The following ADGRL3 variants were observed in gnomAD, a reference collection of about 807,000 sequenced individuals.
ADGRL3 encodes the protein calcium-independent alpha-latrotoxin receptor 3.
Under a neutral mutation model 153.5 loss-of-function variants are expected in ADGRL3, and 62 were observed. That is an observed-to-expected ratio of 0.40 (90% confidence interval 0.33 to 0.50). The LOEUF is 0.50. Ranked by LOEUF, ADGRL3 falls within the 20% of genes least tolerant of loss-of-function variation. ADGRL3 has a pLI of 0.47. For missense variants in ADGRL3, 1,641 were observed against 1,859.4 expected (o/e 0.88, Z 2.16); for synonymous variants, 710 against 672.5 (o/e 1.06, Z -0.86).
At chr4:61,660,076 G>A (rs2094551756) in intron 5 of ADGRL3, among the ~76,000 whole-genome samples, 1 of 152,106 alleles carries the variant, frequency 6.6e-6, no homozygotes, top group South Asian at 2.1e-4. Context: ...TGCCAAACAC[G>A]ATGCTATAGA....
intron 9 of ADGRL3, among the ~76,000 whole-genome samples, chr4:61,851,322 C>CG (rs2098199798): frequency 6.6e-6 from 1 of 152,090 alleles, no homozygotes; most frequent in South Asian, 2.1e-4. Context: ...AGCAGTGACT[C>CG]ACACCTGTGA....
intron 1 of ADGRL3, among the ~76,000 whole-genome samples, chr4:61,293,562 CATAT>C: frequency 6.6e-6 from 1 of 152,278 alleles, no homozygotes; most frequent in Middle Eastern, 3.4e-3. Context: ...AACTGTGCTG[CATAT>C]AATATTAGTA....
intron 2 of ADGRL3, among the ~76,000 whole-genome samples, chr4:61,383,630 G>A (rs1324460658): frequency 2.0e-5 from 3 of 151,512 alleles, no homozygotes; most frequent in Admixed American, 2.0e-4. Context: ...AATTCATTCA[G>A]TTTTCAATTA....
chr4:61,494,984 T>C (rs1356897892), intron 2 of ADGRL3, among the ~76,000 whole-genome samples: 1 of 152,196 alleles, frequency 6.6e-6, no homozygotes, highest in Non-Finnish European at 1.5e-5. Flanking sequence ...TTATTACGTA[T>C]TTTATATAAT....
At position 61,638,670 on chromosome 4, in the gene ADGRL3, T is replaced by C. The variant is rs75810624; in HGVS notation, c.474-38156T>C. On this transcript the variant is annotated intron_variant, in intron 5 of 26. Coordinates refer to ENST00000683033, the MANE Select transcript of ADGRL3 (RefSeq NM_001387552.1). ...ATACACTGAGTTCCAGTTTACAAAA[T>C]ATTCTACACAAATAGTGTTTTATTT... 1.8e-3 allele frequency among the ~76,000 whole-genome samples: 271 copies of C among 152,270 alleles called. 2 individuals carry two copies. The East Asian group carries it at 0.047, about 26-fold the overall frequency.
chr4:61,511,998 G>A (rs1464199794), intron 3 of ADGRL3, among the ~76,000 whole-genome samples: 1 of 152,086 alleles, frequency 6.6e-6, no homozygotes, highest in Non-Finnish European at 1.5e-5. Flanking sequence ...TAAAATGAAG[G>A]TGCTGTGGGA....
At chr4:61,811,969 T>C (rs1381283972) in intron 8 of ADGRL3, among the ~76,000 whole-genome samples, 1 of 152,174 alleles carries the variant, frequency 6.6e-6, no homozygotes, top group South Asian at 2.1e-4. Flanking sequence ...GATATATTTG[T>C]ATTTACAATA....
At chr4:61,251,121 G>A (rs1435982422) in intron 1 of ADGRL3, among the ~76,000 whole-genome samples, 2 of 152,124 alleles carry the variant, frequency 1.3e-5, no homozygotes, top group Non-Finnish European at 2.9e-5. Flanking sequence ...ATTTGGACAG[G>A]GCAGTGAAGG....
At chr4:61,364,331 CA>C (rs33966342) in intron 1 of ADGRL3, among the ~76,000 whole-genome samples, 45,154 of 127,866 alleles carry the variant, frequency 0.35, 7,329 homozygotes, top group Non-Finnish European at 0.4. Context: ...GACTCCGTCT[CA>C]AAAAAAAAAA....
chr4:61,409,371 A>ATT (rs112488684), intron 2 of ADGRL3, among the ~76,000 whole-genome samples: 127,209 of 141,770 alleles, frequency 0.9, 58,369 homozygotes, highest in Middle Eastern at 0.99. Flanking sequence ...TTATATATAT[A>ATT]AGACATATAT....
rs775509774 is a variant in ADGRL3 at position 61,733,412 on chromosome 4, T to C, written c.1257T>C (p.Ser419=). 1.2e-6 allele frequency: 2 copies of C among 1,613,694 alleles called. No individual in the cohort carries two copies. Among genetic ancestry groups the C allele is most frequent in the Admixed American group, 3.3e-5 (2 of 59,900 alleles). The change falls in exon 8 of 27, where the codon AGT becomes AGC. Residue 419 remains serine, a synonymous_variant. Transcript: ENST00000683033. ...YIYNTDQSKD[S]LVDVPFPNSY... is the part of the protein sequence containing the mutation. ...ACAACACTGACCAAAGCAAGGATAG[T>C]TTGGTGGATGTACCCTTTCCTAATT...
intron 8 of ADGRL3, among the ~76,000 whole-genome samples, chr4:61,790,833 C>A (rs1461360939): frequency 1.3e-5 from 2 of 152,166 alleles, no homozygotes; most frequent in Non-Finnish European, 2.9e-5. Flanking sequence ...CAAGTCATGT[C>A]TTACATGGAT....
chr4:61,713,582 A>G (rs983872675), intron 6 of ADGRL3, among the ~76,000 whole-genome samples: 2 of 151,892 alleles, frequency 1.3e-5, no homozygotes, highest in African/African-American at 4.8e-5. Context: ...TTGAAATTCC[A>G]AGCATTCTCT....
At chr4:61,669,721 A>T (rs763268383) in intron 5 of ADGRL3, among the ~76,000 whole-genome samples, 4 of 152,306 alleles carry the variant, frequency 2.6e-5, no homozygotes, top group South Asian at 4.1e-4. Flanking sequence ...ATATTATTTA[A>T]TAAGTGCTAA....
intron 4 of ADGRL3, among the ~76,000 whole-genome samples, chr4:61,551,278 T>G (rs992963423): frequency 2.0e-5 from 3 of 152,102 alleles, no homozygotes; most frequent in African/African-American, 7.2e-5. Flanking sequence ...ATCAAATGCA[T>G]AGTGATTTTT....
intron 4 of ADGRL3, among the ~76,000 whole-genome samples, chr4:61,527,813 A>C (rs1044360280): frequency 3.3e-5 from 5 of 152,146 alleles, no homozygotes; most frequent in African/African-American, 4.8e-5. Context: ...AGGAGACAAT[A>C]AGGTAAGAGC....
intron 1 of ADGRL3, among the ~76,000 whole-genome samples, chr4:61,268,172 A>G (rs1225631307): frequency 6.6e-6 from 1 of 151,582 alleles, no homozygotes; most frequent in East Asian, 1.9e-4. Context: ...AAAACAAAAT[A>G]AAGTATTGGT....
At chr4:61,946,254 G>T (rs970720147) in intron 15 of ADGRL3, among the ~76,000 whole-genome samples, 3 of 152,030 alleles carry the variant, frequency 2.0e-5, no homozygotes, top group African/African-American at 7.2e-5. Flanking sequence ...CAATTTTAGA[G>T]ATTCTTGTGG....
chr4:61,227,961 T>G, intron 1 of ADGRL3, among the ~76,000 whole-genome samples: 1 of 152,226 alleles, frequency 6.6e-6, no homozygotes, highest in East Asian at 1.9e-4. Context: ...GTACAAAGAA[T>G]TCCTGTATAC....
Sources: gnomAD v4.1 joint callset for allele counts (sites outside exome capture counted in the v4.1 genomes callset) on GRCh38, gnomAD v4.1.1 for gene constraint, MANE v1.5 for transcripts, NCBI Gene and HGNC (gene_info 2026-07-23, HGNC 2026-07-21) for gene names.